Variants in DHRS2 observed in about 807,000 individuals in gnomAD.
DHRS2 encodes the protein dehydrogenase/reductase 2.
In DHRS2, 29 loss-of-function variants were observed where a neutral mutation model predicts 26.3. The ratio of observed to expected loss-of-function variants is 1.10; its 90% confidence interval spans 0.82 to 1.50. The LOEUF (loss-of-function observed/expected upper bound fraction) is 1.50, where lower values mean the gene tolerates loss of function less well. Among genes scored for constraint, DHRS2 ranks in the 40% most tolerant of loss-of-function variants. DHRS2 has a pLI of 0.00. For synonymous variants in DHRS2, 164 were observed against 151.3 expected, an observed-to-expected ratio of 1.08 and a Z score of -0.62; for missense variants, 439 against 367.1, an observed-to-expected ratio of 1.20 and a Z score of -1.60.
intron 3 of DHRS2, 54 bp downstream of exon 3, chr14:23,639,410 C>T: frequency 6.6e-7 from 1 of 1,505,544 alleles, no homozygotes; most frequent in Non-Finnish European, 8.9e-7. Context: ...AGAACCTTTC[C>T]TTCACTGCTT....
At chr14:23,630,601 G>A (rs1165700825) in intron 1 of DHRS2, among the ~76,000 whole-genome samples, 2 of 152,206 alleles carry the variant, frequency 1.3e-5, no homozygotes, top group African/African-American at 4.8e-5. Flanking sequence ...AATATTTGAA[G>A]AGATTTATTC....
At chr14:23,639,663 C>T in intron 3 of DHRS2, 131 bp from the exon 4 acceptor site, 1 of 1,070,672 alleles carries the variant, frequency 9.3e-7, no homozygotes, top group African/African-American at 1.6e-5. Flanking sequence ...GGAGCCTGCC[C>T]TTGGGACACC....
Position 23,639,190 on chromosome 14 carries a change from C to G in DHRS2, c.152C>G (p.Ala51Gly). 1.2e-6 allele frequency: 2 copies of G among 1,613,370 alleles called. No individual in the cohort carries two copies. Among genetic ancestry groups the G allele is most frequent in the Non-Finnish European group, 1.7e-6 (2 of 1,179,772 alleles). The change falls in exon 3 of 9, where the codon GCC becomes GGC. Residue 51 changes from alanine (A) to glycine (G), a missense_variant. Transcript: ENST00000250383. Reference protein sequence around the residue: ...VTGSTSGIGFAIARRLARDGA... With the variant: ...VTGSTSGIGFGIARRLARDGA... Reference sequence around the variant, plus strand: ...ATCTCTGCATTCAGGATCGGCTTTGCCATCGCCCGACGTCTGGCCCGGGAC... The same window carrying G: ...ATCTCTGCATTCAGGATCGGCTTTGGCATCGCCCGACGTCTGGCCCGGGAC...
chr14:23,644,589 A>C (rs553855960), intron 7 of DHRS2, 46 bp downstream of exon 7: 9 of 1,614,028 alleles, frequency 5.6e-6, no homozygotes, highest in Non-Finnish European at 7.6e-6. Context: ...GCTCAGTGGG[A>C]ACCCTTCCCA....
At chr14:23,636,056 T>C (rs188219996), upstream of DHRS2, among the ~76,000 whole-genome samples, 407 of 152,198 alleles carry the variant, frequency 2.7e-3, 2 homozygotes, top group African/African-American at 9.5e-3. Context: ...ATCAGCACTC[T>C]GTGTCTAGCT....
rs1002161241 is a variant in DHRS2, at chr14:23,639,130, C to G, written c.141-49C>G. On this transcript the variant is annotated intron_variant, in intron 2 of 8. Transcript: ENST00000250383. ...TTTCCAGAGCTGGGTAGAGGAAGGACAGTGGAGAGAGGCTGAGGCTGACTT... is the reference window on the plus strand; with the variant it reads ...TTTCCAGAGCTGGGTAGAGGAAGGAGAGTGGAGAGAGGCTGAGGCTGACTT... The G allele has an allele frequency of 5.0e-6, 8 of 1,603,512 alleles. No homozygotes were observed. The African/African-American group carries it at 1.1e-4, about 21-fold the overall frequency.
intron 1 of DHRS2, 73 bp from the exon 2 acceptor site, chr14:23,638,754 G>A: frequency 2.7e-6 from 4 of 1,457,420 alleles, no homozygotes; most frequent in East Asian, 2.3e-5. Flanking sequence ...TCTGTCTGGA[G>A]GAAGGAGGAG....
chr14:23,640,438 C>T (rs1371436067), intron 4 of DHRS2: 3 of 985,324 alleles, frequency 3.0e-6, no homozygotes, highest in South Asian at 4.7e-5. Context: ...TGCTGTAAGT[C>T]CATTCAAGGA....
upstream of DHRS2, among the ~76,000 whole-genome samples, chr14:23,634,655 A>T (rs181269014): frequency 7.1e-4 from 108 of 152,180 alleles, no homozygotes; most frequent in Non-Finnish European, 1.3e-3. Flanking sequence ...ATAGTATTCC[A>T]TTATAGAAAT....
chr14:23,645,104 G>A lies in DHRS2; in HGVS notation c.732-38G>A, dbSNP rs769144283. ...TGAGCCCCAGAGCAGCAGAATCAGA[G>A]TACAAGATGCTTGACACTGTGTCCT... On this transcript the variant is annotated intron_variant, in intron 8 of 8. Coordinates refer to ENST00000250383, the MANE Select transcript of DHRS2 (RefSeq NM_005794.4). 3.1e-6 allele frequency: 5 copies of A among 1,612,912 alleles called. No individual in the cohort carries two copies. In the Admixed American group the frequency reaches 8.3e-5, roughly 27 times the overall value.
At chr14:23,639,071 G>C (rs1036677928) in intron 2 of DHRS2, 67 bp downstream of exon 2, 4 of 1,596,290 alleles carry the variant, frequency 2.5e-6, no homozygotes, top group African/African-American at 2.7e-5. Flanking sequence ...CAAGGACTCA[G>C]GGTTTTAAAG....
In DHRS2 at chr14:23,644,507, G is replaced by A. The variant is rs201477792; in HGVS notation, c.639G>A (p.Val213=). 18 of 1,614,222 alleles carry A rather than the reference G, an allele frequency of 1.1e-5. No homozygotes were observed. The Admixed American group carries it at 2.3e-4, about 21-fold the overall frequency. ...CCAAGGACATCCGGGTAAACTGCGT[G>A]GTTCCAGGAATTATCAAAACTGACT... The part of the protein sequence containing the change: ...LAPKDIRVNC[V]VPGIIKTDFS... Residue 213 remains valine (V), a synonymous_variant, in exon 7 of 9, where the codon GTG becomes GTA. Coordinates refer to ENST00000250383, the MANE Select transcript of DHRS2 (RefSeq NM_005794.4).
At chr14:23,641,965 C>T (rs1253563055) in intron 4 of DHRS2, 3 of 1,151,448 alleles carry the variant, frequency 2.6e-6, no homozygotes, top group Admixed American at 4.4e-5. Flanking sequence ...CCACCTGGCA[C>T]TGCCCTAGCT....
upstream of DHRS2, among the ~76,000 whole-genome samples, chr14:23,634,266 C>G (rs574813040): frequency 1.1e-4 from 17 of 152,124 alleles, no homozygotes; most frequent in South Asian, 3.3e-3. Flanking sequence ...TGAGGTTTCA[C>G]CATGTTGGCT....
upstream of DHRS2, among the ~76,000 whole-genome samples, chr14:23,635,204 A>G (rs995818797): frequency 6.6e-6 from 1 of 152,048 alleles, no homozygotes; most frequent in African/African-American, 2.4e-5. Flanking sequence ...CTGTGACTAC[A>G]GGCATGCACC....
At chr14:23,636,927 C>T (rs544144420) in intron 1 of DHRS2, among the ~76,000 whole-genome samples, 155 bp downstream of exon 1, 1 of 152,186 alleles carries the variant, frequency 6.6e-6, no homozygotes, top group Non-Finnish European at 1.5e-5. Flanking sequence ...AAAGGGATCT[C>T]TAACAACCCC....
chr14:23,633,247 G>A (rs886881396), upstream of DHRS2, among the ~76,000 whole-genome samples: 2 of 152,190 alleles, frequency 1.3e-5, no homozygotes, highest in African/African-American at 2.4e-5. Context: ...CCTCCTGAGG[G>A]CACAGGTCTC....
chr14:23,639,920 G>T, intron 4 of DHRS2, 25 bp downstream of exon 4: 1 of 1,535,596 alleles, frequency 6.5e-7, no homozygotes, highest in South Asian at 1.2e-5. Context: ...CTGGGGAGGC[G>T]GCTGAGGGCC....
intron 2 of DHRS2, 32 bp downstream of exon 2, chr14:23,639,036 C>T (rs1594241948): frequency 2.5e-6 from 4 of 1,607,968 alleles, no homozygotes; most frequent in East Asian, 4.5e-5. Context: ...GGTCCTGGCC[C>T]CTCACAGGGT....
Sources: gnomAD v4.1 joint callset for allele counts (sites outside exome capture counted in the v4.1 genomes callset) on GRCh38, gnomAD v4.1.1 for gene constraint, MANE v1.5 for transcripts, NCBI Gene and HGNC (gene_info 2026-07-23, HGNC 2026-07-21) for gene names.